Variants in USO1 observed in about 807,000 individuals in gnomAD.
The protein encoded by USO1 is general vesicular transport factor p115.
A neutral mutation model predicts 124.5 loss-of-function variants in USO1; 57 were observed. The observed-to-expected ratio is 0.46, with a 90% CI of 0.37 to 0.57. The LOEUF is 0.57. Among genes scored for constraint, USO1 ranks in the 20% least tolerant of loss-of-function variants. The probability of loss-of-function intolerance (pLI) is 0.00; values close to 1 mark genes in which losing one functional copy is unlikely to be tolerated. For synonymous variants in USO1, 369 were observed against 362.8 expected (o/e 1.02, Z -0.19); for missense variants, 900 against 1,040.6 (o/e 0.86, Z 1.86).
chr4:75,733,268 A>T (rs896521546), intron 1 of USO1, among the ~76,000 whole-genome samples: 4 of 152,114 alleles, frequency 2.6e-5, no homozygotes, highest in Non-Finnish European at 5.9e-5. Flanking sequence ...CAAAAAAAAA[A>T]TTAAAAAAAA....
chr4:75,768,754 T>C (rs1721839926), intron 4 of USO1, among the ~76,000 whole-genome samples: 1 of 152,238 alleles, frequency 6.6e-6, no homozygotes, highest in Admixed American at 6.5e-5. Flanking sequence ...AGTATGATGT[T>C]AGCTGTAAGG....
At chr4:75,739,808 G>A (rs187229711) in intron 1 of USO1, among the ~76,000 whole-genome samples, 150 of 152,162 alleles carry the variant, frequency 9.9e-4, no homozygotes, top group African/African-American at 3.4e-3. Flanking sequence ...TTCCCAAAGT[G>A]CTGGGATTAC....
At chr4:75,782,384 C>T (rs1722244636) in intron 8 of USO1, among the ~76,000 whole-genome samples, 1 of 152,138 alleles carries the variant, frequency 6.6e-6, no homozygotes, top group Non-Finnish European at 1.5e-5. Context: ...CTAACCTAGT[C>T]CTGTAGTCTT....
chr4:75,788,828 C>T (rs972787515), intron 10 of USO1, among the ~76,000 whole-genome samples: 1 of 151,892 alleles, frequency 6.6e-6, no homozygotes, highest in African/African-American at 2.4e-5. Flanking sequence ...CCACTGCACC[C>T]GGCCGTTATT....
intron 10 of USO1, among the ~76,000 whole-genome samples, chr4:75,789,084 A>G (rs1403193746): frequency 4.0e-5 from 6 of 151,724 alleles, no homozygotes; most frequent in Non-Finnish European, 1.5e-5. Flanking sequence ...TTTTCTCTCT[A>G]GAAACTTTTG....
intron 1 of USO1, among the ~76,000 whole-genome samples, chr4:75,732,443 A>C (rs192486672): frequency 1.3e-5 from 2 of 152,294 alleles, no homozygotes; most frequent in Admixed American, 1.3e-4. Context: ...ACATCTTTGC[A>C]GTTGTGAATA....
chr4:75,807,160 GA>G (rs1723020564), intron 20 of USO1, among the ~76,000 whole-genome samples: 1 of 151,848 alleles, frequency 6.6e-6, no homozygotes, highest in Non-Finnish European at 1.5e-5. Context: ...TTTATCCAAT[GA>G]AAAAATTTAA....
At chr4:75,747,900 CTTTTTT>C (rs34689475) in intron 1 of USO1, among the ~76,000 whole-genome samples, 6 of 44,322 alleles carry the variant, frequency 1.4e-4, no homozygotes, top group African/African-American at 5.3e-4. Flanking sequence ...CTCACCTGGC[CTTTTTT>C]TTTTTTTTTT....
intron 4 of USO1, among the ~76,000 whole-genome samples, chr4:75,764,468 T>C (rs1721707902): frequency 6.6e-6 from 1 of 152,232 alleles, no homozygotes; most frequent in Admixed American, 6.5e-5. Context: ...GGGGCTTAGT[T>C]CTGCCATGTA....
chr4:75,800,696 T>G lies in USO1; in HGVS notation c.1761T>G (p.His587Gln). The G allele has an allele frequency of 6.2e-7, 1 of 1,604,362 alleles. No homozygotes were observed. The change falls in exon 16 of 24, where the codon CAT becomes CAG. Residue 587 changes from histidine (H) to glutamine (Q), a missense_variant. Coordinates refer to ENST00000514213, the MANE Select transcript of USO1 (RefSeq NM_003715.4). ...FIEKLGFISKHELYSRASQKP... is the reference protein window; with the variant it reads ...FIEKLGFISKQELYSRASQKP... The stretch of plus-strand genomic sequence containing the variant: ...AGAAACTAGGATTTATTAGCAAACA[T>G]GAGTTGTATTCCAGAGCATCTCAGA...
At chr4:75,756,966 T>TATAC (rs1721464355) in intron 3 of USO1, among the ~76,000 whole-genome samples, 1 of 151,930 alleles carries the variant, frequency 6.6e-6, no homozygotes, top group Non-Finnish European at 1.5e-5. Context: ...TACATATATA[T>TATAC]ACATATGTAA....
At position 75,806,586 on chromosome 4, in the gene USO1, T is replaced by G; in HGVS notation, c.2376+14T>G. 1 of 1,550,478 alleles carries G rather than the reference T, an allele frequency of 6.4e-7. No individual in the cohort carries two copies. On this transcript the variant is annotated intron_variant, in intron 20 of 23. Coordinates refer to ENST00000514213, the MANE Select transcript of USO1 (RefSeq NM_003715.4). ...GAATTAAAACAGGTAATTTTCCACT[T>G]TGATCCAATTCTACTTTGTCATGTT...
At chr4:75,780,640 C>CTT (rs71210204) in intron 8 of USO1, among the ~76,000 whole-genome samples, 2,116 of 59,190 alleles carry the variant, frequency 0.036, 246 homozygotes, top group African/African-American at 0.11. Context: ...TAAATTTTGA[C>CTT]TTTTTTTTTT....
At chr4:75,745,986 G>C (rs1239838082) in intron 1 of USO1, among the ~76,000 whole-genome samples, 2 of 152,180 alleles carry the variant, frequency 1.3e-5, no homozygotes, top group Non-Finnish European at 2.9e-5. Context: ...GGAAACAGAA[G>C]TCTAACCAAG....
In USO1 at chr4:75,724,614, C is replaced by G; in HGVS notation, c.-206C>G. On this transcript the variant is annotated 5_prime_UTR_variant, in exon 1 of 24. Transcript: ENST00000514213. ...CAACCTTCGAGCCGCCACGTAATGC[C>G]ACGTCCCCGCGCATGCGCATCTTGG... 1 of 577,624 alleles carries G rather than the reference C, an allele frequency of 1.7e-6. No homozygotes were observed. The highest frequency in any genetic ancestry group is 3.1e-6 in the Non-Finnish European group (1 of 324,144). The allele number at this position is 577,624 out of a possible 1,614,324, so 35.8% of individuals were successfully genotyped here.
At position 75,759,246 on chromosome 4, in the gene USO1, C is replaced by CTTTTTTTTTTTTTTTTTTTTTTTTTTTT. The variant is rs71208100; in HGVS notation, c.295+1691_295+1692insTTTTTTTTTTTTTTTTTTTTTTTTTTTT. 2.9e-5 allele frequency among the ~76,000 whole-genome samples: 2 copies of CTTTTTTTTTTTTTTTTTTTTTTTTTTTT among 69,126 alleles called. 1 individual carries two copies. Among genetic ancestry groups the CTTTTTTTTTTTTTTTTTTTTTTTTTTTT allele is most frequent in the African/African-American group, 1.3e-4 (2 of 15,530 alleles). 45.3% of individuals were successfully genotyped at this position (69,126 alleles called of 152,430 possible). A position where few individuals can be genotyped will look rare whatever the true frequency, so the allele number is the denominator to read the frequency against. On this transcript the variant is annotated intron_variant, in intron 4 of 23. Coordinates refer to ENST00000514213, the MANE Select transcript of USO1 (RefSeq NM_003715.4). The stretch of plus-strand genomic sequence containing the variant: ...TAATAGAATCACTTTTATTAAGGAC[C>CTTTTTTTTTTTTTTTTTTTTTTTTTTTT]TTTTTTTTTTTTTTTTTTCTGAAAA...
At chr4:75,765,313 T>C (rs1395811272) in intron 4 of USO1, among the ~76,000 whole-genome samples, 1 of 152,166 alleles carries the variant, frequency 6.6e-6, no homozygotes. Flanking sequence ...TTTATCTGCT[T>C]TTTTATCTAT....
At chr4:75,751,279 T>G (rs1305384953) in intron 1 of USO1, among the ~76,000 whole-genome samples, 1 of 150,896 alleles carries the variant, frequency 6.6e-6, no homozygotes, top group Non-Finnish European at 1.5e-5. Flanking sequence ...TGGTGCAATC[T>G]CGGCTCACTG....
chr4:75,749,684 A>G (rs78928151), intron 1 of USO1, among the ~76,000 whole-genome samples: 3 of 147,310 alleles, frequency 2.0e-5, no homozygotes, highest in Middle Eastern at 3.5e-3. Flanking sequence ...GATAGTCTTG[A>G]AAAAAAAAAA....
Sources: gnomAD v4.1 joint callset for allele counts (sites outside exome capture counted in the v4.1 genomes callset) on GRCh38, gnomAD v4.1.1 for gene constraint, MANE v1.5 for transcripts, NCBI Gene and HGNC (gene_info 2026-07-23, HGNC 2026-07-21) for gene names.